The following SNX9 variants were observed in gnomAD, a reference collection of about 807,000 sequenced individuals.
The protein encoded by SNX9 is sorting nexin-9.
In SNX9, 44 loss-of-function variants were observed where a neutral mutation model predicts 89.4. The ratio of observed to expected loss-of-function variants is 0.49; its 90% CI spans 0.39 to 0.63. The LOEUF is 0.63. Among genes scored for constraint, SNX9 ranks in the 30% least tolerant of loss-of-function variants. The pLI is 0.00. For missense variants in SNX9, 578 were observed against 736.1 expected (o/e 0.79, Z 2.49); for synonymous variants, 236 against 247.8 (o/e 0.95, Z 0.45).
At chr6:157,828,102 T>C (rs1328429224) in intron 1 of SNX9, among the ~76,000 whole-genome samples, 1 of 152,202 alleles carries the variant, frequency 6.6e-6, no homozygotes, top group Admixed American at 6.5e-5. Flanking sequence ...AATATCTTTC[T>C]AACAGGTCTT....
chr6:157,873,059 C>A, intron 2 of SNX9, 43 bp from the exon 3 acceptor site: 2 of 1,482,900 alleles, frequency 1.3e-6, no homozygotes, highest in South Asian at 1.3e-5. Flanking sequence ...GAAATCTCAA[C>A]TGTAATCTTT....
At chr6:157,876,634 A>T (rs1187242329) in intron 4 of SNX9, among the ~76,000 whole-genome samples, 1 of 152,224 alleles carries the variant, frequency 6.6e-6, no homozygotes, top group Non-Finnish European at 1.5e-5. Context: ...TCTCTTCTGT[A>T]TTTTATTATT....
intron 1 of SNX9, among the ~76,000 whole-genome samples, chr6:157,826,807 TA>T (rs1781357385): frequency 2.0e-5 from 2 of 101,138 alleles, no homozygotes; most frequent in African/African-American, 6.1e-5. Context: ...TATTATATTT[TA>T]TATATAAATA....
intron 4 of SNX9, among the ~76,000 whole-genome samples, chr6:157,887,476 C>T (rs1295816129): frequency 1.3e-5 from 2 of 152,186 alleles, no homozygotes; most frequent in Non-Finnish European, 2.9e-5. Flanking sequence ...TCTCTGTCTT[C>T]CCCAGACTCT....
At chr6:157,936,846 G>C (rs1445826541) in intron 14 of SNX9, among the ~76,000 whole-genome samples, 1 of 152,156 alleles carries the variant, frequency 6.6e-6, no homozygotes, top group African/African-American at 2.4e-5. Flanking sequence ...GTTCCCTTAA[G>C]AAGAATCTAA....
intron 1 of SNX9, among the ~76,000 whole-genome samples, chr6:157,846,164 T>G (rs546413512): frequency 6.6e-6 from 1 of 152,390 alleles, no homozygotes; most frequent in South Asian, 2.1e-4. Context: ...CAGCTGCTGT[T>G]AGGCAAAATC....
chr6:157,852,695 A>G (rs1248597307), intron 1 of SNX9, among the ~76,000 whole-genome samples: 1 of 151,864 alleles, frequency 6.6e-6, no homozygotes, highest in Non-Finnish European at 1.5e-5. Context: ...TCCCACTTCT[A>G]CCTGCCAAGT....
intron 13 of SNX9, 113 bp downstream of exon 13, chr6:157,932,385 G>A: frequency 1.1e-6 from 1 of 941,202 alleles, no homozygotes; most frequent in Non-Finnish European, 1.7e-6. Context: ...CTGGTTGTGG[G>A]TGTGTAAATT....
chr6:157,893,612 G>GTA (rs1396951017), intron 4 of SNX9, among the ~76,000 whole-genome samples: 1 of 150,804 alleles, frequency 6.6e-6, no homozygotes, highest in Admixed American at 6.6e-5. Context: ...CACCATTTGT[G>GTA]TGTGTGTGTG....
In SNX9 at chr6:157,943,034, G is replaced by T; in HGVS notation, c.*196G>T. The T allele has an allele frequency of 4.1e-6, 2 of 489,638 alleles. No homozygotes were observed. Among genetic ancestry groups the T allele is most frequent in the South Asian group, 3.6e-5 (1 of 27,510 alleles). 30.3% of individuals were successfully genotyped at this position (489,638 alleles called of 1,614,324 possible). On this transcript the variant is annotated 3_prime_UTR_variant, in exon 18 of 18. Coordinates refer to ENST00000392185, the MANE Select transcript of SNX9 (RefSeq NM_016224.5). ...TAGGGATGGTCTTTTGTTCATTTCCGCATCCATTATTTAAACCAGTGGAAA... is the reference window on the plus strand; with the variant it reads ...TAGGGATGGTCTTTTGTTCATTTCCTCATCCATTATTTAAACCAGTGGAAA...
At chr6:157,827,746 A>G (rs1282656300) in intron 1 of SNX9, among the ~76,000 whole-genome samples, 2 of 151,168 alleles carry the variant, frequency 1.3e-5, no homozygotes, top group African/African-American at 2.4e-5. Context: ...CCATATCTAT[A>G]TAATTTAGCT....
intron 4 of SNX9, among the ~76,000 whole-genome samples, chr6:157,895,284 C>G (rs1162144701): frequency 1.3e-5 from 2 of 152,162 alleles, no homozygotes; most frequent in African/African-American, 4.8e-5. Context: ...TAAGGCCAGT[C>G]CTCTGCCCAG....
At chr6:157,934,494 A>T (rs1482673288) in intron 13 of SNX9, among the ~76,000 whole-genome samples, 1 of 152,210 alleles carries the variant, frequency 6.6e-6, no homozygotes, top group African/African-American at 2.4e-5. Flanking sequence ...CACACAGAGG[A>T]ATTGTTTCAA....
At chr6:157,921,056 C>T (rs1003461279) in intron 9 of SNX9, among the ~76,000 whole-genome samples, 9 of 152,208 alleles carry the variant, frequency 5.9e-5, no homozygotes, top group African/African-American at 1.9e-4. Flanking sequence ...CATTTGGACA[C>T]ATTTTGATAA....
intron 1 of SNX9, among the ~76,000 whole-genome samples, chr6:157,849,424 G>T (rs1037762789): frequency 8.5e-5 from 13 of 152,234 alleles, no homozygotes; most frequent in African/African-American, 3.1e-4. Flanking sequence ...GGGCTTTCTT[G>T]TAAGAGCTGT....
At chr6:157,901,811 T>TA in intron 5 of SNX9, 87 bp from the exon 6 acceptor site, 1 of 1,489,662 alleles carries the variant, frequency 6.7e-7, no homozygotes, top group Non-Finnish European at 9.0e-7. Context: ...GCCCAGTAGG[T>TA]AGTTACTGTC....
intron 10 of SNX9, among the ~76,000 whole-genome samples, chr6:157,925,052 C>G (rs1306737012): frequency 2.6e-5 from 4 of 152,140 alleles, no homozygotes; most frequent in Non-Finnish European, 4.4e-5. Flanking sequence ...ATAAATTAGA[C>G]TACATTAGAA....
chr6:157,924,795 CA>C (rs753567523), intron 10 of SNX9: 2 of 152,174 alleles, frequency 1.3e-5, no homozygotes, highest in Admixed American at 6.5e-5. Context: ...AAAAGATTGG[CA>C]AAAGTGTTGG....
chr6:157,824,529 A>C (rs1781305229), intron 1 of SNX9, among the ~76,000 whole-genome samples: 1 of 152,112 alleles, frequency 6.6e-6, no homozygotes, highest in Non-Finnish European at 1.5e-5. Context: ...ATTTTTCGAT[A>C]GGTGTTTGCT....
Sources: gnomAD v4.1 joint callset for allele counts (sites outside exome capture counted in the v4.1 genomes callset) on GRCh38, gnomAD v4.1.1 for gene constraint, MANE v1.5 for transcripts, NCBI Gene and HGNC (gene_info 2026-07-23, HGNC 2026-07-21) for gene names.